Variants in SANBR observed in about 807,000 individuals in gnomAD.
The protein encoded by SANBR is SANT and BTB domain regulator of CSR.
Under a neutral mutation model 101.8 loss-of-function variants are expected in SANBR, and 77 were observed. The ratio of observed to expected loss-of-function variants is 0.76; its 90% CI spans 0.63 to 0.91. The LOEUF is 0.91. SANBR is among the 40% of genes least tolerant of loss of function. SANBR has a pLI of 0.00. For synonymous variants in SANBR, 279 were observed against 274.7 expected, an observed-to-expected ratio of 1.02 and a Z score of -0.15; for missense variants, 875 against 853.0, an observed-to-expected ratio of 1.03 and a Z score of -0.32.
chr2:61,079,256 C>A (rs1681959339), intron 6 of SANBR, among the ~76,000 whole-genome samples: 1 of 151,980 alleles, frequency 6.6e-6, no homozygotes, highest in Admixed American at 6.6e-5. Flanking sequence ...AGTTCAAGAG[C>A]CAGTGTTCTA....
chr2:61,092,342 C>T (rs1682803103), intron 10 of SANBR, 122 bp from the exon 11 acceptor site: 1 of 631,712 alleles, frequency 1.6e-6, no homozygotes, highest in East Asian at 3.8e-5. Flanking sequence ...CAAGATCATG[C>T]CATTGCACTC....
At chr2:61,124,798 TAAC>T (rs1194572619), downstream of SANBR, among the ~76,000 whole-genome samples, 1 of 152,206 alleles carries the variant, frequency 6.6e-6, no homozygotes, top group Non-Finnish European at 1.5e-5. Flanking sequence ...GATGATCTGA[TAAC>T]AATGCTGATT....
At chr2:61,074,773 G>A (rs1681671599) in intron 5 of SANBR, among the ~76,000 whole-genome samples, 1 of 152,048 alleles carries the variant, frequency 6.6e-6, no homozygotes, top group Admixed American at 6.6e-5. Context: ...ATTTTTTACT[G>A]AAATAATCTA....
chr2:61,081,449 T>C lies in SANBR; in HGVS notation c.671-3T>C. 3.2e-6 allele frequency: 5 copies of C among 1,581,652 alleles called. No homozygotes were observed. The highest frequency in any genetic ancestry group is 4.3e-6 in the Non-Finnish European group (5 of 1,166,128). On this transcript the variant is annotated splice_region_variant and splice_polypyrimidine_tract_variant and intron_variant, in intron 6 of 21. Transcript: ENST00000402291. ...GGGTAATCTAATTTTTTTTTTTTTTTAGAGCCAGGAAATGTCATTTCAATT... is the reference window on the plus strand; with the variant it reads ...GGGTAATCTAATTTTTTTTTTTTTTCAGAGCCAGGAAATGTCATTTCAATT...
chr2:61,075,338 G>A (rs1209490076), intron 5 of SANBR, among the ~76,000 whole-genome samples: 1 of 152,088 alleles, frequency 6.6e-6, no homozygotes, highest in Non-Finnish European at 1.5e-5. Flanking sequence ...ACTCACTGGA[G>A]CTTGACCTCC....
At position 61,118,049 on chromosome 2, in the gene SANBR, T is replaced by C; in HGVS notation, c.1961T>C (p.Ile654Thr). Residue 654 changes from isoleucine to threonine, a missense_variant, in exon 20 of 22, where the codon ATT becomes ACT. Coordinates refer to ENST00000402291, the MANE Select transcript of SANBR (RefSeq NM_001129993.3). ...TCAGATCAACGGCGAATGACTGAAA[T>C]TACAGGGCACCTAATAAAAATGAGA... Reference protein sequence around the residue: ...REDDQRRMTEITGHLIKMRLG... With the variant: ...REDDQRRMTETTGHLIKMRLG... 1 of 1,613,568 alleles carries C rather than the reference T, an allele frequency of 6.2e-7. No individual in the cohort carries two copies. Among genetic ancestry groups the C allele is most frequent in the Non-Finnish European group, 8.5e-7 (1 of 1,179,782 alleles).
At position 61,118,036 on chromosome 2, in the gene SANBR, C is replaced by T. The variant is rs199675675; in HGVS notation, c.1948C>T (p.Arg650Ter). The change falls in exon 20 of 22, where the codon CGA (arginine) becomes TGA (stop). Residue 650 changes from arginine (R) to a stop codon, truncating the protein, a stop_gained. Coordinates refer to ENST00000402291, the MANE Select transcript of SANBR (RefSeq NM_001129993.3). LOFTEE classifies it high-confidence loss of function. ...TGTTTTTTTCCCTTCAGATCAACGG[C>T]GAATGACTGAAATTACAGGGCACCT... ...QDAQREDDQR[R>*]MTEITGHLIK... is the part of the protein sequence containing the mutation. 5 of 1,612,510 alleles carry T rather than the reference C, an allele frequency of 3.1e-6. No individual in the cohort carries two copies. The highest frequency in any genetic ancestry group is 1.7e-5 in the Admixed American group (1 of 59,876).
intron 5 of SANBR, among the ~76,000 whole-genome samples, chr2:61,075,669 A>G (rs1681726532): frequency 6.6e-6 from 1 of 152,170 alleles, no homozygotes; most frequent in Non-Finnish European, 1.5e-5. Flanking sequence ...GGAAATAAGT[A>G]CATTGTAGTC....
Position 61,116,051 on chromosome 2 carries a change from A to G in SANBR, c.1817A>G (p.Lys606Arg), listed in dbSNP as rs770010138. The change falls in exon 17 of 22, where the codon AAA (lysine) becomes AGA (arginine). Residue 606 changes from lysine to arginine, a missense_variant. Coordinates refer to ENST00000402291, the MANE Select transcript of SANBR (RefSeq NM_001129993.3). ...KQVSSPCAQR[K>R]EKALEKSASR... ...GTATCTTCACCCTGTGCCCAGAGGAAAGAAAAGGCATTGGAGAAGGTAACT... is the reference window on the plus strand; with the variant it reads ...GTATCTTCACCCTGTGCCCAGAGGAGAGAAAAGGCATTGGAGAAGGTAACT... 4.4e-6 allele frequency: 7 copies of G among 1,608,502 alleles called. No homozygotes were observed. In the South Asian group the frequency reaches 7.8e-5, roughly 18 times the overall value.
At chr2:61,081,609 G>A (rs1487510382) in intron 7 of SANBR, 99 bp downstream of exon 7, 2 of 1,236,688 alleles carry the variant, frequency 1.6e-6, no homozygotes, top group Non-Finnish European at 2.2e-6. Context: ...TAAAATTATT[G>A]TTAATTGAAA....
chr2:61,117,901 G>A lies in SANBR; in HGVS notation c.1940-127G>A, dbSNP rs976445841. On this transcript the variant is annotated intron_variant, in intron 19 of 21. Transcript: ENST00000402291. ...TTAAATTCTTCACAGATATATAGAT[G>A]TATGTGTCTGTAAAATAGTATCAAA... 5.7e-6 allele frequency: 4 copies of A among 699,508 alleles called. No homozygotes were observed. In the African/African-American group the frequency reaches 7.2e-5, roughly 13 times the overall value. The allele number at this position is 699,508 out of a possible 1,614,324, so 43.3% of individuals were successfully genotyped here. A position where few individuals can be genotyped will look rare whatever the true frequency, so the allele number is the denominator to read the frequency against.
At chr2:61,073,840 A>C (rs1681612338) in intron 5 of SANBR, among the ~76,000 whole-genome samples, 1 of 152,086 alleles carries the variant, frequency 6.6e-6, no homozygotes. Context: ...TACCCAAGGA[A>C]AAAAACTGTA....
intron 12 of SANBR, 89 bp from the exon 13 acceptor site, chr2:61,103,764 A>G: frequency 8.3e-7 from 1 of 1,206,348 alleles, no homozygotes. Flanking sequence ...ATATGACAAT[A>G]TGACTTGGCA....
Position 61,077,097 on chromosome 2 carries a change from G to T in SANBR, c.609G>T (p.Trp203Cys). The T allele has an allele frequency of 6.2e-7, 1 of 1,614,082 alleles. No homozygotes were observed. Among genetic ancestry groups the T allele is most frequent in the Non-Finnish European group, 8.5e-7 (1 of 1,179,972 alleles). Reference sequence around the variant, plus strand: ...ATTGCGACGTTCACATTTTCAACTGGTTGATAAAATACATTAAAAGGAACA... The same window carrying T: ...ATTGCGACGTTCACATTTTCAACTGTTTGATAAAATACATTAAAAGGAACA... ...SVHCDVHIFN[W>C]LIKYIKRNTK... is the part of the protein sequence containing the mutation. Residue 203 changes from tryptophan to cysteine, a missense_variant, in exon 6 of 22, where the codon TGG becomes TGT. By Grantham distance (215) the Trp-to-Cys change is radical (BLOSUM62 -2). Transcript: ENST00000402291.
chr2:61,071,566 AT>A (rs760161605), intron 3 of SANBR, 39 bp from the exon 4 acceptor site: 3 of 1,350,710 alleles, frequency 2.2e-6, no homozygotes, highest in East Asian at 5.3e-5. Context: ...AAAAAAAAAA[AT>A]TCCCAAACCT....
chr2:61,124,030 G>T lies in SANBR; in HGVS notation c.*1868G>T. ...AATTGTTTGAACCCGGGTGGCAGAG[G>T]TTGCAGTGAGCTGAGATCATGTTTC... On this transcript the variant is annotated 3_prime_UTR_variant, in exon 22 of 22. Transcript: ENST00000402291. 1 of 505,256 alleles carries T rather than the reference G, an allele frequency of 2.0e-6. No homozygotes were observed. Among genetic ancestry groups the T allele is most frequent in the Non-Finnish European group, 2.6e-6 (1 of 391,566 alleles). The allele number at this position is 505,256 out of a possible 1,614,324, so 31.3% of individuals were successfully genotyped here.
At position 61,082,680 on chromosome 2, in the gene SANBR, G is replaced by A. The variant is rs555598411; in HGVS notation, c.730-474G>A. Among the ~76,000 whole-genome samples, 15 of 152,244 alleles carry A rather than the reference G, an allele frequency of 9.9e-5. No individual in the cohort carries two copies. In the South Asian group the frequency reaches 2.9e-3, roughly 29 times the overall value. ...CTAAAAATACAAAAATTAGCCAGGCGTGGTGGCGGGCACCTGTAGGCCCAG... is the reference window on the plus strand; with the variant it reads ...CTAAAAATACAAAAATTAGCCAGGCATGGTGGCGGGCACCTGTAGGCCCAG... On this transcript the variant is annotated intron_variant, in intron 7 of 21. Transcript: ENST00000402291.
At chr2:61,088,579 G>GT (rs1453660287) in intron 10 of SANBR, 111 bp downstream of exon 10, 2 of 679,992 alleles carry the variant, frequency 2.9e-6, no homozygotes, top group East Asian at 6.7e-5. Flanking sequence ...GCGTGCAGTG[G>GT]TGTGGTCTTG....
At chr2:61,134,633 G>A (rs1237290895) in intron 21 of SANBR, among the ~76,000 whole-genome samples, 2 of 152,156 alleles carry the variant, frequency 1.3e-5, no homozygotes, top group East Asian at 3.8e-4. Flanking sequence ...GGTGGCTCAC[G>A]CCTGTAGTCC....
Sources: gnomAD v4.1 joint callset for allele counts (sites outside exome capture counted in the v4.1 genomes callset) on GRCh38, gnomAD v4.1.1 for gene constraint, MANE v1.5 for transcripts, NCBI Gene and HGNC (gene_info 2026-07-23, HGNC 2026-07-21) for gene names.